Variants in LIMA1 observed in about 807,000 individuals in gnomAD.
LIMA1 encodes the protein LIM domain and actin binding 1.
LIMA1 carries 52 observed loss-of-function variants against 62.6 expected under a neutral mutation model. That is an observed-to-expected ratio of 0.83 (90% CI 0.67 to 1.05). The LOEUF is 1.05. Ranked by LOEUF, LIMA1 falls within the 50% of genes least tolerant of loss-of-function variation. LIMA1 has a pLI of 0.00. For missense variants in LIMA1, 780 were observed against 902.2 expected (o/e 0.86, Z 1.74); for synonymous variants, 302 against 317.8 (o/e 0.95, Z 0.53).
rs1437764325 is a variant in LIMA1 at position 50,222,193 on chromosome 12, T to C, written c.458A>G (p.Asp153Gly). Residue 153 changes from aspartate (D) to glycine (G), a missense_variant, in exon 4 of 11, where the codon GAC (aspartate) becomes GGC (glycine). Asp to Gly is a moderately conservative substitution (Grantham distance 94, BLOSUM62 -1). Coordinates refer to ENST00000341247, the MANE Select transcript of LIMA1 (RefSeq NM_016357.5). ...CATTTTTTTACTTTCTGTTGAGTGGTCTTTAAGATCCTCACCGTCCTTGAT... is the reference window on the plus strand; with the variant it reads ...CATTTTTTTACTTTCTGTTGAGTGGCCTTTAAGATCCTCACCGTCCTTGAT... ...PHIKDGEDLK[D>G]HSTESKKMEN... 1.9e-6 allele frequency: 3 copies of C among 1,614,234 alleles called. No homozygotes were observed. Among genetic ancestry groups the C allele is most frequent in the Non-Finnish European group, 1.7e-6 (2 of 1,180,038 alleles).
At chr12:50,231,830 C>T (rs1240226312) in intron 2 of LIMA1, 120 bp from the exon 3 acceptor site, 17 of 882,534 alleles carry the variant, frequency 1.9e-5, no homozygotes, top group Admixed American at 4.5e-5. Context: ...TGCAGTGGTG[C>T]GATCTCGGCT....
intron 2 of LIMA1, among the ~76,000 whole-genome samples, chr12:50,236,756 G>A (rs200346245): frequency 5.3e-5 from 8 of 150,420 alleles, no homozygotes; most frequent in South Asian, 2.1e-4. Context: ...ACACACACAC[G>A]CACACGCACA....
chr12:50,257,673 T>A (rs11169339), intron 1 of LIMA1, among the ~76,000 whole-genome samples: 48,786 of 152,086 alleles, frequency 0.32, 8,099 homozygotes, highest in South Asian at 0.47. Context: ...ACTCTCTTTT[T>A]CTTCCTCTGA....
Position 50,205,299 on chromosome 12 carries a change from C to G in LIMA1, c.716-599G>C, listed in dbSNP as rs1941131432. Among the ~76,000 whole-genome samples, 3 of 150,994 alleles carry G rather than the reference C, an allele frequency of 2.0e-5. No homozygotes were observed. The South Asian group carries it at 6.3e-4, about 32-fold the overall frequency. ...TGTTGCCCAGGCTGGTCTCAAACTC[C>G]TGGATTTAAGTGGTCCTCCTGTCTC... On this transcript the variant is annotated intron_variant, in intron 5 of 10. Coordinates refer to ENST00000341247, the MANE Select transcript of LIMA1 (RefSeq NM_016357.5).
At position 50,195,760 on chromosome 12, in the gene LIMA1, G is replaced by A; in HGVS notation, c.1030+70C>T. ...ATTTTCTCAGCACTGACAGTAATGG[G>A]AACACCCCTGAACCAAATACAGATA... is the stretch of plus-strand genomic sequence containing the variant. On this transcript the variant is annotated intron_variant, in intron 8 of 10. Coordinates refer to ENST00000341247, the MANE Select transcript of LIMA1 (RefSeq NM_016357.5). 6 of 1,463,490 alleles carry A rather than the reference G, an allele frequency of 4.1e-6. No individual in the cohort carries two copies. In the South Asian group the frequency reaches 7.6e-5, roughly 19 times the overall value. The allele number at this position is 1,463,490 out of a possible 1,614,324, so 90.7% of individuals were successfully genotyped here.
intron 3 of LIMA1, among the ~76,000 whole-genome samples, chr12:50,227,720 TC>T (rs1177002519): frequency 6.6e-6 from 1 of 152,150 alleles, no homozygotes; most frequent in African/African-American, 2.4e-5. Context: ...CTTAGCTAAT[TC>T]CTCTTGGTCC....
At chr12:50,212,885 G>C (rs1338923629) in intron 4 of LIMA1, among the ~76,000 whole-genome samples, 3 of 152,094 alleles carry the variant, frequency 2.0e-5, no homozygotes, top group Non-Finnish European at 4.4e-5. Context: ...TATGATCTCA[G>C]CTCACTGCAA....
chr12:50,201,078 C>G (rs1941039874), intron 6 of LIMA1, 194 bp from the exon 7 acceptor site: 1 of 1,380,172 alleles, frequency 7.2e-7, no homozygotes, highest in Non-Finnish European at 9.4e-7. Context: ...GGACACATAC[C>G]TCAGAGTTAA....
intron 3 of LIMA1, among the ~76,000 whole-genome samples, chr12:50,226,645 C>A (rs1166284187): frequency 6.6e-6 from 1 of 152,134 alleles, no homozygotes; most frequent in Non-Finnish European, 1.5e-5. Flanking sequence ...TTGAGACCAT[C>A]CTGGCCAACA....
chr12:50,283,369 G>C (rs1360734880), intron 1 of LIMA1, 51 bp downstream of exon 1: 1 of 152,408 alleles, frequency 6.6e-6, no homozygotes, highest in African/African-American at 2.4e-5. Flanking sequence ...GGTGTGGAGA[G>C]AAGCCGGGGT....
chr12:50,229,333 G>A (rs1941575723), intron 3 of LIMA1, among the ~76,000 whole-genome samples: 2 of 152,160 alleles, frequency 1.3e-5, no homozygotes, highest in African/African-American at 4.8e-5. Context: ...GCCTCCTAAA[G>A]TGCTGGGATT....
chr12:50,224,896 ATTTT>A (rs773474227), intron 3 of LIMA1, among the ~76,000 whole-genome samples: 6 of 104,844 alleles, frequency 5.7e-5, no homozygotes, highest in Admixed American at 2.0e-4. Context: ...CATGCCTGGC[ATTTT>A]TTTTTTTTTT....
At chr12:50,220,130 G>A (rs1355163024) in intron 4 of LIMA1, among the ~76,000 whole-genome samples, 2 of 151,730 alleles carry the variant, frequency 1.3e-5, no homozygotes, top group Admixed American at 6.6e-5. Flanking sequence ...GCATGATCTC[G>A]GCTCACTGCA....
intron 5 of LIMA1, 139 bp from the exon 6 acceptor site, chr12:50,204,839 C>T: frequency 1.4e-6 from 1 of 713,164 alleles, no homozygotes; most frequent in Non-Finnish European, 2.3e-6. Context: ...CCCGCCTCAG[C>T]CTCCCAAAGC....
chr12:50,281,523 G>A (rs898082484), intron 1 of LIMA1, among the ~76,000 whole-genome samples: 3 of 152,144 alleles, frequency 2.0e-5, no homozygotes, highest in Non-Finnish European at 4.4e-5. Context: ...GTTATACAAT[G>A]AGGTAATTTT....
At chr12:50,269,338 G>A (rs1386270351) in intron 1 of LIMA1, among the ~76,000 whole-genome samples, 1 of 152,070 alleles carries the variant, frequency 6.6e-6, no homozygotes, top group Non-Finnish European at 1.5e-5. Context: ...AAGAAACTGA[G>A]GCCCAAAGAA....
rs188123632 is a variant in LIMA1 at position 50,232,456 on chromosome 12, G to A, written c.120-746C>T. Among the ~76,000 whole-genome samples the A allele has an allele frequency of 2.7e-4, 40 of 147,956 alleles. No homozygotes were observed. In the East Asian group the frequency reaches 6.8e-3, roughly 25 times the overall value. ...GTGATCTTGTCACACTGCAACCTCCGCCTCCAGGGCTCAAGTGATCCCACC... is the reference window on the plus strand; with the variant it reads ...GTGATCTTGTCACACTGCAACCTCCACCTCCAGGGCTCAAGTGATCCCACC... On this transcript the variant is annotated intron_variant, in intron 2 of 10. Transcript: ENST00000341247.
chr12:50,238,486 G>A (rs1172030074), intron 2 of LIMA1, among the ~76,000 whole-genome samples: 2 of 151,456 alleles, frequency 1.3e-5, no homozygotes, highest in African/African-American at 4.9e-5. Context: ...CAGCCCTGGC[G>A]ACAAAGCAAG....
chr12:50,222,810 G>T, intron 3 of LIMA1: 1 of 700,702 alleles, frequency 1.4e-6, no homozygotes, highest in Non-Finnish European at 1.9e-6. Flanking sequence ...AAAGATTAAT[G>T]GGGAAAAAAA....
Sources: allele counts gnomAD v4.1 joint callset (sites outside exome capture counted in the v4.1 genomes callset), GRCh38; gene constraint gnomAD v4.1.1; transcripts MANE v1.5; gene names NCBI Gene and HGNC (gene_info 2026-07-23, HGNC 2026-07-21).